The following MASP2 variants were observed in gnomAD, a reference collection of about 807,000 sequenced individuals.
The protein encoded by MASP2 is mannan-binding lectin serine protease 2.
Under a neutral mutation model 57.1 loss-of-function variants are expected in MASP2, and 49 were observed. The ratio of observed to expected loss-of-function variants is 0.86; its 90% confidence interval spans 0.68 to 1.09. The LOEUF (loss-of-function observed/expected upper bound fraction) is 1.09. Among genes scored for constraint, MASP2 ranks in the 50% least tolerant of loss-of-function variants. The pLI, the probability that MASP2 is intolerant of heterozygous loss-of-function variation, is 0.00. For synonymous variants in MASP2, 379 were observed against 340.8 expected, an observed-to-expected ratio of 1.11 and a Z score of -1.24; for missense variants, 900 against 874.8, an observed-to-expected ratio of 1.03 and a Z score of -0.36.
chr1:11,027,809 AC>A (rs1247370818), intron 10 of MASP2, among the ~76,000 whole-genome samples, 161 bp from the exon 11 acceptor site: 1 of 152,258 alleles, frequency 6.6e-6, no homozygotes, highest in African/African-American at 2.4e-5. Context: ...CTATTTTAAA[AC>A]ATCACAGTTC....
intron 8 of MASP2, 96 bp downstream of exon 8, chr1:11,034,732 G>T: frequency 5.3e-5 from 40 of 749,328 alleles, no homozygotes; most frequent in Middle Eastern, 2.5e-4. Flanking sequence ...AAAAAAGAAA[G>T]TAAACAGAAA....
intron 6 of MASP2, among the ~76,000 whole-genome samples, chr1:11,039,597 T>TGATG (rs969904643): frequency 1.8e-4 from 24 of 135,762 alleles, no homozygotes; most frequent in Non-Finnish European, 2.2e-4. Context: ...GATGGATGGA[T>TGATG]GATGGATGGA....
chr1:11,044,969 G>T, intron 4 of MASP2: 2 of 1,610,164 alleles, frequency 1.2e-6, no homozygotes, highest in Non-Finnish European at 1.7e-6. Flanking sequence ...AGAGAGATCA[G>T]AGAGGCAAGG....
intron 4 of MASP2, among the ~76,000 whole-genome samples, chr1:11,044,511 A>G (rs1436845644): frequency 6.6e-6 from 1 of 152,152 alleles, no homozygotes; most frequent in East Asian, 1.9e-4. Flanking sequence ...AATATCTCCC[A>G]GGGTGTCTCC....
intron 8 of MASP2, among the ~76,000 whole-genome samples, chr1:11,033,268 C>T (rs1643866118): frequency 6.6e-6 from 1 of 151,222 alleles, no homozygotes; most frequent in Non-Finnish European, 1.5e-5. Flanking sequence ...GCAGAGGTTG[C>T]GGTGAGCCAA....
Position 11,046,557 on chromosome 1 carries a change from C to A in MASP2, c.411G>T (p.Glu137Asp). The A allele has an allele frequency of 6.2e-7, 1 of 1,613,832 alleles. No homozygotes were observed. Among genetic ancestry groups the A allele is most frequent in the Admixed American group, 1.7e-5 (1 of 60,022 alleles). ...FTGFEAFYAA[E>D]DIDECQVAPG... ...GTTGCAGGACCCCTCTTGGCTCACC[C>A]TCGGCTGCATAGAAGGCCTCGAACC... Residue 137 changes from glutamate to aspartate, a missense_variant and splice_region_variant, in exon 3 of 11, where the codon GAG (glutamate) becomes GAT (aspartate). By Grantham distance (45) the Glu-to-Asp change is conservative. Transcript: ENST00000400897.
chr1:11,037,490 C>A (rs116685064), intron 7 of MASP2, among the ~76,000 whole-genome samples: 12,972 of 152,080 alleles, frequency 0.085, 1,105 homozygotes, highest in African/African-American at 0.21. Context: ...GAAAAAAGGG[C>A]GGGATTCAGA....
chr1:11,046,308 C>T (rs112260602), intron 3 of MASP2: 24 of 564,514 alleles, frequency 4.3e-5, no homozygotes, highest in African/African-American at 9.4e-5. Context: ...CTGCTGCGCC[C>T]GGCCAGTCCC....
Position 11,027,148 on chromosome 1 carries a change from C to G in MASP2, c.1798G>C (p.Ala600Pro). Residue 600 changes from alanine (A) to proline (P), a missense_variant, in exon 11 of 11, where the codon GCT (alanine) becomes CCT (proline). Transcript: ENST00000400897. ...GGATAGGGTGGCTTTTCATATGCAGCAGTACATTTTTGATGGTCAACAATC... is the reference window on the plus strand; with the variant it reads ...GGATAGGGTGGCTTTTCATATGCAGGAGTACATTTTTGATGGTCAACAATC... ...IPIVDHQKCT[A>P]AYEKPPYPRG... 2 of 1,613,784 alleles carry G rather than the reference C, an allele frequency of 1.2e-6. No individual in the cohort carries two copies. The highest frequency in any genetic ancestry group is 1.7e-6 in the Non-Finnish European group (2 of 1,179,902).
In MASP2 at chr1:11,027,152, A is replaced by G; in HGVS notation, c.1794T>C (p.Cys598=). Residue 598 remains cysteine, a synonymous_variant, in exon 11 of 11, where the codon TGT becomes TGC. Coordinates refer to ENST00000400897, the MANE Select transcript of MASP2 (RefSeq NM_006610.4). ...AGGGTGGCTTTTCATATGCAGCAGT[A>G]CATTTTTGATGGTCAACAATCGGTA... is the stretch of plus-strand genomic sequence containing the variant. The part of the protein sequence containing the change: ...VDIPIVDHQK[C]TAAYEKPPYP... 6.2e-7 allele frequency: 1 copy of G among 1,614,074 alleles called. No homozygotes were observed.
intron 6 of MASP2, among the ~76,000 whole-genome samples, chr1:11,039,906 G>GGATGGATGGATGGATGGATA (rs1553161567): frequency 3.2e-5 from 4 of 125,390 alleles, no homozygotes; most frequent in African/African-American, 6.0e-5. Context: ...ATGGATAGAT[G>GGATGGATGGATGGATGGATA]GATGGATAGA....
intron 8 of MASP2, among the ~76,000 whole-genome samples, chr1:11,034,573 C>G (rs997102432): frequency 6.6e-6 from 1 of 151,736 alleles, no homozygotes; most frequent in African/African-American, 2.4e-5. Flanking sequence ...TGTCAGGTGC[C>G]TGTGGTCCCA....
Position 11,027,072 on chromosome 1 carries a change from C to G in MASP2, c.1874G>C (p.Gly625Ala). ...GCTGTCACCTCTGCAGCTGTCCTTGCCCCCACTTTCTAAGCCAGCACAAAG... is the reference window on the plus strand; with the variant it reads ...GCTGTCACCTCTGCAGCTGTCCTTGGCCCCACTTTCTAAGCCAGCACAAAG... ...NMLCAGLESGGKDSCRGDSGG... is the reference protein window; with the variant it reads ...NMLCAGLESGAKDSCRGDSGG... Residue 625 changes from glycine (G) to alanine (A), a missense_variant, in exon 11 of 11, where the codon GGC becomes GCC. Physicochemically the swap from Gly to Ala is moderately conservative, Grantham distance 60 (BLOSUM62 0). Transcript: ENST00000400897. 1.3e-6 allele frequency: 2 copies of G among 1,593,988 alleles called. No individual in the cohort carries two copies. The highest frequency in any genetic ancestry group is 1.7e-6 in the Non-Finnish European group (2 of 1,170,130).
chr1:11,037,574 CAAAA>C, intron 7 of MASP2, 115 bp downstream of exon 7: 3 of 637,072 alleles, frequency 4.7e-6, no homozygotes, highest in Non-Finnish European at 7.9e-6. Context: ...TAAAGATAGA[CAAAA>C]GAAATCATGC....
chr1:11,036,522 A>AC (rs1557670909), intron 7 of MASP2, among the ~76,000 whole-genome samples: 3 of 129,808 alleles, frequency 2.3e-5, no homozygotes, highest in African/African-American at 1.2e-4. Flanking sequence ...AAAAAAAAAA[A>AC]AAAAAAAAAA....
In MASP2 at chr1:11,026,680, T is replaced by G; in HGVS notation, c.*205A>C. Reference sequence around the variant, plus strand: ...CAAAGATGACTGTCACTCTCGTGGTTTATGTCCCCTTGAGTCAATGGGTAA... The same window carrying G: ...CAAAGATGACTGTCACTCTCGTGGTGTATGTCCCCTTGAGTCAATGGGTAA... On this transcript the variant is annotated 3_prime_UTR_variant, in exon 11 of 11. Transcript: ENST00000400897. 1 of 399,736 alleles carries G rather than the reference T, an allele frequency of 2.5e-6. No homozygotes were observed. The allele number at this position is 399,736 out of a possible 1,614,324, so 24.8% of individuals were successfully genotyped here.
At position 11,032,141 on chromosome 1, in the gene MASP2, CAG is replaced by C. The variant is rs143092945; in HGVS notation, c.1088-1261_1088-1260del. On this transcript the variant is annotated intron_variant, in intron 8 of 10. Transcript: ENST00000400897. Reference sequence around the variant, plus strand: ...GTCCAAGCTACTGAGGAGGCTGAGACAGGAGGATCACTTGAGCCCGGGAGTTT... The same window carrying C: ...GTCCAAGCTACTGAGGAGGCTGAGACGAGGATCACTTGAGCCCGGGAGTTT... 6.8e-3 allele frequency among the ~76,000 whole-genome samples: 1,027 copies of C among 152,094 alleles called. 15 individuals carry two copies. Among genetic ancestry groups the C allele is most frequent in the African/African-American group, 0.024 (1,004 of 41,486 alleles).
chr1:11,033,190 T>C (rs1475091413), intron 8 of MASP2, among the ~76,000 whole-genome samples: 1 of 151,680 alleles, frequency 6.6e-6, no homozygotes, highest in Non-Finnish European at 1.5e-5. Context: ...TAGCCGGGCG[T>C]GGTAGCACAT....
chr1:11,047,164 A>G (rs769633979), intron 1 of MASP2, 39 bp downstream of exon 1: 4 of 1,555,048 alleles, frequency 2.6e-6, no homozygotes, highest in Non-Finnish European at 2.6e-6. Context: ...CTGTGCTCCC[A>G]CCCCACACCC....
Sources: allele counts gnomAD v4.1 joint callset (sites outside exome capture counted in the v4.1 genomes callset), GRCh38; gene constraint gnomAD v4.1.1; transcripts MANE v1.5; gene names NCBI Gene and HGNC (gene_info 2026-07-23, HGNC 2026-07-21).